STK17B: variants seen among roughly 807,000 people sequenced by gnomAD.
STK17B encodes serine/threonine-protein kinase 17B.
STK17B carries 21 observed loss-of-function variants against 42.0 expected under a neutral mutation model. The observed-to-expected ratio is 0.50, with a 90% confidence interval of 0.35 to 0.72. The LOEUF is 0.72. Ranked by LOEUF, STK17B falls within the 30% of genes least tolerant of loss-of-function variation. The pLI is 0.00. For synonymous variants in STK17B, 143 were observed against 148.4 expected (o/e 0.96, Z 0.26); for missense variants, 349 against 446.0 (o/e 0.78, Z 1.96).
chr2:196,138,549 A>G (rs1404729830), intron 7 of STK17B, among the ~76,000 whole-genome samples: 1 of 151,716 alleles, frequency 6.6e-6, no homozygotes, highest in African/African-American at 2.4e-5. Flanking sequence ...ACGGTGCTTA[A>G]CTAACCTCCA....
intron 3 of STK17B, among the ~76,000 whole-genome samples, chr2:196,150,651 C>T (rs1203977689): frequency 6.6e-6 from 1 of 152,112 alleles, no homozygotes; most frequent in Non-Finnish European, 1.5e-5. Context: ...ATCTCAATTA[C>T]CCATAAAATG....
chr2:196,161,925 T>C (rs967590024), intron 2 of STK17B, among the ~76,000 whole-genome samples: 1 of 152,130 alleles, frequency 6.6e-6, no homozygotes, highest in African/African-American at 2.4e-5. Context: ...AAGAATGAAA[T>C]TACTTTTCAT....
At chr2:196,158,885 C>T (rs559413220) in intron 2 of STK17B, among the ~76,000 whole-genome samples, 6 of 151,958 alleles carry the variant, frequency 3.9e-5, no homozygotes, top group Non-Finnish European at 8.8e-5. Flanking sequence ...GTGGCACATG[C>T]CTGTAATCCC....
chr2:196,156,986 A>G (rs896094204), intron 2 of STK17B, among the ~76,000 whole-genome samples: 5 of 152,046 alleles, frequency 3.3e-5, no homozygotes, highest in Non-Finnish European at 7.4e-5. Flanking sequence ...CCAACATGGC[A>G]AAACCCTGTC....
intron 2 of STK17B, among the ~76,000 whole-genome samples, chr2:196,162,832 G>A (rs754347877): frequency 2.1e-4 from 32 of 152,174 alleles, no homozygotes; most frequent in Non-Finnish European, 3.8e-4. Flanking sequence ...GGAGGTTGCA[G>A]TGAGCCAAGA....
At chr2:196,168,897 T>C (rs1215216032) in intron 1 of STK17B, among the ~76,000 whole-genome samples, 1 of 152,104 alleles carries the variant, frequency 6.6e-6, no homozygotes, top group Non-Finnish European at 1.5e-5. Context: ...TTGTCATCAA[T>C]ATTATGAAAA....
chr2:196,169,649 T>C (rs767236671), intron 1 of STK17B, among the ~76,000 whole-genome samples: 2 of 152,216 alleles, frequency 1.3e-5, no homozygotes, highest in African/African-American at 2.4e-5. Context: ...ATAAAAATGC[T>C]TGTATCTTCT....
At chr2:196,163,233 A>G (rs769013835) in intron 2 of STK17B, 29 bp downstream of exon 2, 3 of 1,602,496 alleles carry the variant, frequency 1.9e-6, no homozygotes, top group Admixed American at 1.7e-5. Flanking sequence ...TTGAATTTAG[A>G]TGGCATACAC....
At chr2:196,173,650 C>G (rs191967675), upstream of STK17B, among the ~76,000 whole-genome samples, 1 of 152,154 alleles carries the variant, frequency 6.6e-6, no homozygotes, top group Non-Finnish European at 1.5e-5. Flanking sequence ...CATTCATCAC[C>G]GTGTCAAAGA....
At chr2:196,141,346 A>C (rs763894822) in intron 5 of STK17B, 49 bp from the exon 6 acceptor site, 16 of 1,441,526 alleles carry the variant, frequency 1.1e-5, no homozygotes, top group Non-Finnish European at 1.4e-5. Context: ...ATTTTAAAAC[A>C]AGAAAATCAC....
At position 196,169,890 on chromosome 2, in the gene STK17B, GAAAA is replaced by G. The variant is rs59209981; in HGVS notation, c.-45+1439_-45+1442del. Among the ~76,000 whole-genome samples the G allele has an allele frequency of 9.6e-3, 1,351 of 140,204 alleles. 10 individuals carry two copies. The highest frequency in any genetic ancestry group is 0.022 in the Admixed American group (312 of 14,238). 92.0% of individuals were successfully genotyped at this position (140,204 alleles called of 152,430 possible). A position where few individuals can be genotyped will look rare whatever the true frequency, so the allele number is the denominator to read the frequency against. ...ACCTCAATTTTGGATCCCTACTTTA[GAAAA>G]AAAAAAAGATCTAAAATGTACAATA... On this transcript the variant is annotated intron_variant, in intron 1 of 7. Transcript: ENST00000263955.
At chr2:196,147,792 C>T (rs1042415168) in intron 3 of STK17B, among the ~76,000 whole-genome samples, 9 of 148,140 alleles carry the variant, frequency 6.1e-5, no homozygotes, top group Non-Finnish European at 1.0e-4. Flanking sequence ...AGTGCAGTGG[C>T]GCCATCTCGG....
At chr2:196,172,016 A>G (rs78433586), upstream of STK17B, among the ~76,000 whole-genome samples, 2,742 of 152,154 alleles carry the variant, frequency 0.018, 72 homozygotes, top group African/African-American at 0.062. Flanking sequence ...CCAAAGACCT[A>G]TTTTCTGACT....
At chr2:196,140,577 CTTTTTT>C (rs58205758) in intron 6 of STK17B, among the ~76,000 whole-genome samples, 2 of 101,470 alleles carry the variant, frequency 2.0e-5, no homozygotes, top group African/African-American at 3.6e-5. Context: ...CTTCTTCTAG[CTTTTTT>C]TTTTTTTTTT....
chr2:196,164,046 AAAT>A (rs1699846783), intron 1 of STK17B, among the ~76,000 whole-genome samples: 1 of 150,596 alleles, frequency 6.6e-6, no homozygotes, highest in South Asian at 2.1e-4. Context: ...CTCAATAAAT[AAAT>A]AAATAAATAA....
chr2:196,149,219 A>G (rs1014990611), intron 3 of STK17B, among the ~76,000 whole-genome samples: 7 of 149,648 alleles, frequency 4.7e-5, no homozygotes, highest in Non-Finnish European at 8.9e-5. Flanking sequence ...GCTGGAGTGC[A>G]GTAGTGCAAT....
Position 196,166,988 on chromosome 2 carries a change from C to A in STK17B, c.-44-3561G>T, listed in dbSNP as rs1270287472. ...TACTTACAGCATGACACATAAAGGC[C>A]TCTGAGGCCAAGTATACACCAGCTA... On this transcript the variant is annotated intron_variant, in intron 1 of 7. Transcript: ENST00000263955. Among the ~76,000 whole-genome samples the A allele has an allele frequency of 3.3e-5, 5 of 152,284 alleles. No individual in the cohort carries two copies. The East Asian group carries it at 9.6e-4, about 29-fold the overall frequency.
chr2:196,153,309 T>C (rs965698835), intron 3 of STK17B: 4 of 149,560 alleles, frequency 2.7e-5, no homozygotes, highest in African/African-American at 7.3e-5. Context: ...AGTATTAGTA[T>C]TGTTATGCTG....
intron 2 of STK17B, among the ~76,000 whole-genome samples, chr2:196,161,284 A>G (rs968379233): frequency 1.3e-5 from 2 of 149,904 alleles, no homozygotes; most frequent in Non-Finnish European, 2.9e-5. Flanking sequence ...CTTAAAAAAA[A>G]GAAAAAGAAA....
Sources: allele counts gnomAD v4.1 joint callset (sites outside exome capture counted in the v4.1 genomes callset), GRCh38; gene constraint gnomAD v4.1.1; transcripts MANE v1.5; gene names NCBI Gene and HGNC (gene_info 2026-07-23, HGNC 2026-07-21).